The following SLC6A11 variants were observed in gnomAD, a reference collection of about 807,000 sequenced individuals.
SLC6A11 encodes the protein solute carrier family 6 member 11.
In SLC6A11, 25 loss-of-function variants were observed where a neutral mutation model predicts 74.8. The observed-to-expected ratio is 0.33, with a 90% CI of 0.24 to 0.47. The LOEUF (loss-of-function observed/expected upper bound fraction) is 0.47. Ranked by LOEUF, SLC6A11 falls within the 20% of genes least tolerant of loss-of-function variation. The pLI, the probability that SLC6A11 is intolerant of heterozygous loss-of-function variation, is 1.00. For missense variants in SLC6A11, 574 were observed against 837.0 expected (o/e 0.69, Z 3.88); for synonymous variants, 330 against 330.2 (o/e 1.00, Z 0.01).
chr3:10,871,347 A>C (rs796527472), intron 5 of SLC6A11, among the ~76,000 whole-genome samples: 2 of 152,332 alleles, frequency 1.3e-5, no homozygotes, highest in African/African-American at 4.8e-5. Flanking sequence ...TCTTTTCCTT[A>C]AATTTTGCAA....
chr3:10,854,234 A>C (rs1694611373), intron 5 of SLC6A11, among the ~76,000 whole-genome samples: 1 of 151,948 alleles, frequency 6.6e-6, no homozygotes, highest in African/African-American at 2.4e-5. Flanking sequence ...CTAAAAATAC[A>C]AAAAATTAGC....
At chr3:10,924,122 T>C (rs1289010667) in intron 8 of SLC6A11, among the ~76,000 whole-genome samples, 1 of 152,128 alleles carries the variant, frequency 6.6e-6, no homozygotes. Context: ...GAATTAAATG[T>C]TGGAACAGAA....
At chr3:10,933,630 G>A (rs565056980) in intron 11 of SLC6A11, among the ~76,000 whole-genome samples, 4 of 152,298 alleles carry the variant, frequency 2.6e-5, no homozygotes, top group African/African-American at 7.2e-5. Context: ...TGCTCCCCAA[G>A]CCCAACAGGT....
At chr3:10,873,548 T>TCCTACCCTAC (rs1178459471) in intron 5 of SLC6A11, among the ~76,000 whole-genome samples, 4 of 139,268 alleles carry the variant, frequency 2.9e-5, no homozygotes, top group Admixed American at 7.0e-5. Flanking sequence ...TCCTATCCTA[T>TCCTACCCTAC]CCTACCCTAC....
intron 4 of SLC6A11, among the ~76,000 whole-genome samples, chr3:10,841,977 T>C (rs1189822160): frequency 6.6e-6 from 1 of 152,222 alleles, no homozygotes; most frequent in Non-Finnish European, 1.5e-5. Flanking sequence ...CCAGATTCCT[T>C]CCAGCTCTGG....
intron 4 of SLC6A11, among the ~76,000 whole-genome samples, chr3:10,828,898 T>G (rs1694255101): frequency 6.6e-6 from 1 of 152,228 alleles, no homozygotes; most frequent in Admixed American, 6.5e-5. Flanking sequence ...GCAAGGACGA[T>G]GTCTGTTTTG....
chr3:10,910,204 G>A (rs923651518), intron 6 of SLC6A11, among the ~76,000 whole-genome samples: 28 of 152,274 alleles, frequency 1.8e-4, no homozygotes, highest in Admixed American at 1.4e-3. Context: ...TTCAGAGGCG[G>A]CATTATGATC....
chr3:10,907,537 A>C (rs77851933), intron 6 of SLC6A11, among the ~76,000 whole-genome samples: 1 of 152,158 alleles, frequency 6.6e-6, no homozygotes, highest in African/African-American at 2.4e-5. Flanking sequence ...TCCTGAAAAA[A>C]TATACCATGA....
At chr3:10,898,278 T>C (rs371908017) in intron 6 of SLC6A11, among the ~76,000 whole-genome samples, 1 of 152,368 alleles carries the variant, frequency 6.6e-6, no homozygotes, top group South Asian at 2.1e-4. Flanking sequence ...CTTATGCAAA[T>C]TTCTGCAGTC....
At chr3:10,932,556 T>C (rs1314619547) in intron 10 of SLC6A11, among the ~76,000 whole-genome samples, 1 of 152,140 alleles carries the variant, frequency 6.6e-6, no homozygotes, top group Non-Finnish European at 1.5e-5. Flanking sequence ...ATCTGAGCTT[T>C]GAAGGAGCTT....
At chr3:10,851,467 CTTGAA>C (rs1694575158) in intron 5 of SLC6A11, among the ~76,000 whole-genome samples, 1 of 151,820 alleles carries the variant, frequency 6.6e-6, no homozygotes. Context: ...TGCAAAGAGC[CTTGAA>C]TTGATTTTTT....
chr3:10,844,098 C>T, intron 4 of SLC6A11, 116 bp from the exon 5 acceptor site: 1 of 1,281,108 alleles, frequency 7.8e-7, no homozygotes, highest in Non-Finnish European at 1.1e-6. Flanking sequence ...GACATTTGGC[C>T]CACGGTGGAC....
At chr3:10,828,060 T>C (rs186624126) in intron 4 of SLC6A11, among the ~76,000 whole-genome samples, 2 of 152,316 alleles carry the variant, frequency 1.3e-5, no homozygotes, top group South Asian at 4.1e-4. Context: ...CGTGCATTTA[T>C]CTAAATGTGT....
chr3:10,841,422 C>T (rs944811317), intron 4 of SLC6A11, among the ~76,000 whole-genome samples: 3 of 152,318 alleles, frequency 2.0e-5, no homozygotes, highest in East Asian at 1.9e-4. Flanking sequence ...GCCCTGCAGG[C>T]TGAGAATCTG....
chr3:10,933,153 T>C lies in SLC6A11; in HGVS notation c.1374T>C (p.Gly458=), dbSNP rs748188183. The part of the protein sequence containing the change: ...YFLGLVMLTE[G]GMYIFQLFDS... The stretch of plus-strand genomic sequence containing the variant: ...TGTGTCTGTTCCCCGACCTGCAGGG[T>C]GGCATGTACATCTTCCAGCTCTTTG... Residue 458 remains glycine (G), a splice_region_variant and synonymous_variant, in exon 11 of 14, where the codon GGT becomes GGC. Transcript: ENST00000254488. 6.8e-6 allele frequency: 11 copies of C among 1,612,456 alleles called. 1 individual carries two copies. The South Asian group carries it at 1.2e-4, about 18-fold the overall frequency.
intron 6 of SLC6A11, among the ~76,000 whole-genome samples, chr3:10,895,778 G>T (rs1478196815): frequency 3.9e-5 from 6 of 152,238 alleles, no homozygotes; most frequent in Admixed American, 3.9e-4. Flanking sequence ...AGCTTGCGTG[G>T]CTTCTCAAAG....
intron 4 of SLC6A11, among the ~76,000 whole-genome samples, chr3:10,842,928 G>T (rs922910590): frequency 3.3e-5 from 5 of 152,122 alleles, no homozygotes; most frequent in African/African-American, 1.2e-4. Flanking sequence ...GCAGAATCAG[G>T]CCCCAAGCGG....
chr3:10,849,508 A>G (rs749394594), intron 5 of SLC6A11, among the ~76,000 whole-genome samples: 2 of 152,236 alleles, frequency 1.3e-5, no homozygotes, highest in Non-Finnish European at 2.9e-5. Context: ...GAAAAATACC[A>G]AAAACATCCT....
At chr3:10,820,124 AG>A (rs1694119288) in intron 3 of SLC6A11, among the ~76,000 whole-genome samples, 1 of 152,198 alleles carries the variant, frequency 6.6e-6, no homozygotes, top group Non-Finnish European at 1.5e-5. Flanking sequence ...GCAGAGACTG[AG>A]CCCTTTGGGG....
Sources: allele counts gnomAD v4.1 joint callset (sites outside exome capture counted in the v4.1 genomes callset), GRCh38; gene constraint gnomAD v4.1.1; transcripts MANE v1.5; gene names NCBI Gene and HGNC (gene_info 2026-07-23, HGNC 2026-07-21).